LRFN2: variants seen among roughly 807,000 people sequenced by gnomAD.
LRFN2 encodes leucine-rich repeat and fibronectin type-III domain-containing protein 2.
LRFN2 carries 18 observed loss-of-function variants against 37.3 expected under a neutral mutation model. The observed-to-expected ratio is 0.48, with a 90% CI of 0.33 to 0.72. The LOEUF (loss-of-function observed/expected upper bound fraction) is 0.72, where lower values mean the gene tolerates loss of function less well. Ranked by LOEUF, LRFN2 falls within the 30% of genes least tolerant of loss-of-function variation. The pLI is 0.02. For missense variants in LRFN2, 1,006 were observed against 1,060.7 expected (o/e 0.95, Z 0.72); for synonymous variants, 556 against 466.6 (o/e 1.19, Z -2.47).
chr6:40,397,243 TC>T (rs1426599288), intron 2 of LRFN2, among the ~76,000 whole-genome samples: 1 of 152,142 alleles, frequency 6.6e-6, no homozygotes, highest in East Asian at 1.9e-4. Context: ...AGCCTGGATT[TC>T]CCCCTTCACT....
chr6:40,524,439 A>T (rs432180), intron 1 of LRFN2, among the ~76,000 whole-genome samples: 100,156 of 144,922 alleles, frequency 0.69, 35,410 homozygotes, highest in African/African-American at 0.88. Context: ...ACACACACAC[A>T]CTCTCTCACT....
chr6:40,547,360 C>T (rs1766685652), intron 1 of LRFN2, among the ~76,000 whole-genome samples: 2 of 152,164 alleles, frequency 1.3e-5, no homozygotes, highest in Non-Finnish European at 2.9e-5. Flanking sequence ...CCACCTTAGC[C>T]TCCCAAAGTG....
At chr6:40,541,678 C>T (rs895335786) in intron 1 of LRFN2, among the ~76,000 whole-genome samples, 24 of 152,246 alleles carry the variant, frequency 1.6e-4, no homozygotes, top group African/African-American at 5.3e-4. Flanking sequence ...ATCATTGGCA[C>T]GCTCCCAGAC....
At chr6:40,528,647 T>C (rs1766296846) in intron 1 of LRFN2, among the ~76,000 whole-genome samples, 1 of 152,226 alleles carries the variant, frequency 6.6e-6, no homozygotes, top group South Asian at 2.1e-4. Flanking sequence ...TACAATACTT[T>C]CAACTTACGA....
In LRFN2 at chr6:40,432,279, C is replaced by A. The variant is rs753313525; in HGVS notation, c.835G>T (p.Val279Leu). The A allele has an allele frequency of 6.2e-7, 1 of 1,614,102 alleles. No homozygotes were observed. The highest frequency in any genetic ancestry group is 1.1e-5 in the South Asian group (1 of 91,082). Residue 279 changes from valine (V) to leucine (L), a missense_variant, in exon 2 of 3, where the codon GTG (valine) becomes TTG (leucine). By Grantham distance (32) the Val-to-Leu change is conservative. This residue lies in a region of LRFN2 where 303 missense variants were observed against 299.8 expected (regional missense o/e 1.01). Coordinates refer to ENST00000338305, the MANE Select transcript of LRFN2 (RefSeq NM_020737.3). ...GGLKGRYFWH[V>L]REEEFVCEPP... ...TCGCACACAAACTCCTCCTCACGCACATGCCAGAAGTAGCGACCCTTGAGG... is the reference window on the plus strand; with the variant it reads ...TCGCACACAAACTCCTCCTCACGCAAATGCCAGAAGTAGCGACCCTTGAGG...
intron 1 of LRFN2, among the ~76,000 whole-genome samples, chr6:40,517,713 T>C (rs988025781): frequency 6.6e-6 from 1 of 152,100 alleles, no homozygotes; most frequent in African/African-American, 2.4e-5. Context: ...AAAGCCTAAT[T>C]AGGGGGGTTA....
At position 40,398,225 on chromosome 6, in the gene LRFN2, AC is replaced by A. The variant is rs140899103; in HGVS notation, c.1401-5314del. On this transcript the variant is annotated intron_variant, in intron 2 of 2. Coordinates refer to ENST00000338305, the MANE Select transcript of LRFN2 (RefSeq NM_020737.3). ...CTCCACCCACCAGATGCCAGAACAC[AC>A]CCACAGTGTGACAAGCTAAAATGTC... Among the ~76,000 whole-genome samples, 1,422 of 151,922 alleles carry A rather than the reference AC, an allele frequency of 9.4e-3. 27 individuals are homozygous for A. Among genetic ancestry groups the A allele is most frequent in the African/African-American group, 0.031 (1,286 of 41,506 alleles).
chr6:40,402,544 A>T (rs554394637), intron 2 of LRFN2, among the ~76,000 whole-genome samples: 2 of 152,340 alleles, frequency 1.3e-5, no homozygotes, highest in Admixed American at 6.5e-5. Flanking sequence ...AATATTTTCC[A>T]TGTATTAGTT....
At chr6:40,437,684 G>A (rs552019540) in intron 1 of LRFN2, among the ~76,000 whole-genome samples, 31 of 152,218 alleles carry the variant, frequency 2.0e-4, no homozygotes, top group East Asian at 1.7e-3. Flanking sequence ...AACAAAAGGC[G>A]GCTTAAATCC....
At chr6:40,498,137 C>T (rs570869566) in intron 1 of LRFN2, among the ~76,000 whole-genome samples, 5 of 152,068 alleles carry the variant, frequency 3.3e-5, no homozygotes, top group Admixed American at 2.0e-4. Flanking sequence ...CCGTGTCCAC[C>T]GAAAGGCTCT....
intron 2 of LRFN2, among the ~76,000 whole-genome samples, chr6:40,426,414 G>A (rs1763354395): frequency 1.3e-5 from 2 of 152,132 alleles, no homozygotes; most frequent in Non-Finnish European, 1.5e-5. Flanking sequence ...TTTCCAGTCT[G>A]TCCAGTTCAC....
At position 40,431,881 on chromosome 6, in the gene LRFN2, G is replaced by T; in HGVS notation, c.1233C>A (p.Gly411=). The change falls in exon 2 of 3, where the codon GGC becomes GGA. Residue 411 remains glycine, a synonymous_variant. Coordinates refer to ENST00000338305, the MANE Select transcript of LRFN2 (RefSeq NM_020737.3). ...TTTTGGGAGGCTCTCCGCCCCCACT[G>T]CCTCCACCTCCCCGGCTGGTCTTGC... The part of the protein sequence containing the change: ...GSSKTSRGGG[G]SGGGEPPKSP... The T allele has an allele frequency of 6.2e-7, 1 of 1,606,456 alleles. No homozygotes were observed. Among genetic ancestry groups the T allele is most frequent in the African/African-American group, 1.3e-5 (1 of 75,006 alleles).
chr6:40,425,853 A>G (rs981226876), intron 2 of LRFN2, among the ~76,000 whole-genome samples: 11 of 152,252 alleles, frequency 7.2e-5, no homozygotes, highest in African/African-American at 2.7e-4. Flanking sequence ...GCACTGTTTT[A>G]TACAGCCTAA....
chr6:40,509,567 G>A (rs1395701157), intron 1 of LRFN2, among the ~76,000 whole-genome samples: 3 of 152,232 alleles, frequency 2.0e-5, no homozygotes, highest in Non-Finnish European at 2.9e-5. Context: ...GCAGGTAAGG[G>A]GTGGGTGCAT....
chr6:40,488,102 T>C (rs904972029), intron 1 of LRFN2, among the ~76,000 whole-genome samples: 3 of 152,092 alleles, frequency 2.0e-5, no homozygotes, highest in African/African-American at 7.2e-5. Context: ...AAAAAGGCCA[T>C]AAAGTCACTG....
At chr6:40,464,863 A>G (rs1764424868) in intron 1 of LRFN2, among the ~76,000 whole-genome samples, 2 of 151,530 alleles carry the variant, frequency 1.3e-5, no homozygotes, top group Admixed American at 6.6e-5. Flanking sequence ...TCTCAGGTGT[A>G]ATCTACACAA....
chr6:40,508,462 C>A (rs1200513241), intron 1 of LRFN2, among the ~76,000 whole-genome samples: 1 of 152,150 alleles, frequency 6.6e-6, no homozygotes, highest in Non-Finnish European at 1.5e-5. Context: ...GGGATCCACC[C>A]AAGAGGACCC....
intron 2 of LRFN2, among the ~76,000 whole-genome samples, chr6:40,429,125 T>C (rs1282861125): frequency 6.6e-6 from 1 of 152,250 alleles, no homozygotes; most frequent in African/African-American, 2.4e-5. Flanking sequence ...AGCTGCATTT[T>C]TTTTATTCCA....
chr6:40,422,679 C>G (rs749686698), intron 2 of LRFN2, among the ~76,000 whole-genome samples: 1 of 152,164 alleles, frequency 6.6e-6, no homozygotes, highest in African/African-American at 2.4e-5. Flanking sequence ...TGATGGCCAC[C>G]ACTACAGCAT....
Sources: allele counts gnomAD v4.1 joint callset (sites outside exome capture counted in the v4.1 genomes callset), GRCh38; gene constraint gnomAD v4.1.1; regional missense constraint gnomAD v4.1.1; transcripts MANE v1.5; gene names NCBI Gene and HGNC (gene_info 2026-07-23, HGNC 2026-07-21).